TIAM1: variants seen among roughly 807,000 people sequenced by gnomAD.
TIAM1 encodes TIAM Rac1 associated GEF 1.
TIAM1 carries 65 observed loss-of-function variants against 163.5 expected under a neutral mutation model. The observed-to-expected ratio is 0.40, with a 90% CI of 0.33 to 0.49. The LOEUF (loss-of-function observed/expected upper bound fraction) is 0.49. Ranked by LOEUF, TIAM1 falls within the 20% of genes least tolerant of loss-of-function variation. TIAM1 has a pLI of 0.77. For synonymous variants in TIAM1, 833 were observed against 810.1 expected (o/e 1.03, Z -0.48); for missense variants, 1,789 against 2,044.7 (o/e 0.87, Z 2.41).
chr21:31,483,747 A>C (rs937216641), intron 1 of TIAM1, among the ~76,000 whole-genome samples: 2 of 152,124 alleles, frequency 1.3e-5, no homozygotes, highest in African/African-American at 4.8e-5. Context: ...CAGCCTGACA[A>C]ATCTGCACAT....
chr21:31,454,244 T>C lies in TIAM1; in HGVS notation c.-369+9739A>G, dbSNP rs376643036. 1.4e-3 allele frequency among the ~76,000 whole-genome samples: 217 copies of C among 152,286 alleles called. 1 individual carries two copies. The highest frequency in any genetic ancestry group is 5.0e-3 in the African/African-American group (209 of 41,554). ...AATTCCAAGATTTCAGAACAATACA[T>C]AGTACAAAACACATGCTCAGGAAAA... On this transcript the variant is annotated intron_variant, in intron 2 of 28. Coordinates refer to the TIAM1 transcript ENST00000286827.
intron 1 of TIAM1, among the ~76,000 whole-genome samples, chr21:31,549,447 G>C (rs2048607984): frequency 6.7e-6 from 1 of 149,428 alleles, no homozygotes; most frequent in Admixed American, 6.8e-5. Context: ...AACTAGAATA[G>C]ATAAAGAATT....
At chr21:31,233,993 G>A (rs950954595) in intron 6 of TIAM1, among the ~76,000 whole-genome samples, 6 of 152,156 alleles carry the variant, frequency 3.9e-5, no homozygotes, top group African/African-American at 9.7e-5. Flanking sequence ...CCACAAGGCC[G>A]CTTACTGTCT....
At chr21:31,219,206 A>G (rs2087407338) in intron 8 of TIAM1, among the ~76,000 whole-genome samples, 1 of 149,758 alleles carries the variant, frequency 6.7e-6, no homozygotes, top group Non-Finnish European at 1.5e-5. Flanking sequence ...CAGGCAAAAC[A>G]TTCAGGCTTG....
chr21:31,263,948 C>T (rs545028401), intron 4 of TIAM1, among the ~76,000 whole-genome samples: 1 of 152,254 alleles, frequency 6.6e-6, no homozygotes, highest in Admixed American at 6.5e-5. Context: ...AGAAGTAGCC[C>T]TCGCAGGGTA....
At chr21:31,549,254 T>TA (rs1601067675) in intron 1 of TIAM1, among the ~76,000 whole-genome samples, 2 of 152,336 alleles carry the variant, frequency 1.3e-5, no homozygotes, top group East Asian at 3.9e-4. Context: ...AAAGGAAATG[T>TA]AAATTAGCAT....
chr21:31,451,201 G>C (rs2044825144), intron 2 of TIAM1, among the ~76,000 whole-genome samples: 1 of 152,142 alleles, frequency 6.6e-6, no homozygotes, highest in Non-Finnish European at 1.5e-5. Context: ...AGAGCCACAG[G>C]TGCGGCCAGC....
chr21:31,539,413 C>T (rs2048248571), intron 1 of TIAM1, among the ~76,000 whole-genome samples: 1 of 150,944 alleles, frequency 6.6e-6, no homozygotes. Flanking sequence ...CTACAGGCGC[C>T]CACCACCACA....
At position 31,245,002 on chromosome 21, in the gene TIAM1, G is replaced by T. The variant is rs113552662; in HGVS notation, c.1584+486C>A. On this transcript the variant is annotated intron_variant, in intron 6 of 27. Coordinates refer to ENST00000541036, the MANE Select transcript of TIAM1 (RefSeq NM_001353694.2). The stretch of plus-strand genomic sequence containing the variant: ...GAAATTCAAGGATGCTGAGTAGAAA[G>T]TTCTGATCAGATGAGGAAGAGAAAC... Among the ~76,000 whole-genome samples the T allele has an allele frequency of 2.0e-4, 31 of 152,222 alleles. No individual in the cohort carries two copies. In the East Asian group the frequency reaches 5.4e-3, roughly 27 times the overall value.
intron 2 of TIAM1, among the ~76,000 whole-genome samples, chr21:31,354,576 T>A (rs967191358): frequency 2.0e-5 from 3 of 152,064 alleles, no homozygotes; most frequent in African/African-American, 7.2e-5. Flanking sequence ...GAAGTACTAA[T>A]GTTGGTTCAC....
chr21:31,124,974 G>C (rs1253861743), intron 26 of TIAM1, among the ~76,000 whole-genome samples: 1 of 152,140 alleles, frequency 6.6e-6, no homozygotes, highest in Non-Finnish European at 1.5e-5. Flanking sequence ...GTACCAAGAA[G>C]CTGCCAAATT....
chr21:31,149,395 CAA>C (rs1660637024), intron 19 of TIAM1, among the ~76,000 whole-genome samples: 1 of 152,152 alleles, frequency 6.6e-6, no homozygotes, highest in African/African-American at 2.4e-5. Context: ...TGTTGGCACT[CAA>C]AAAGTTTCCA....
intron 19 of TIAM1, among the ~76,000 whole-genome samples, chr21:31,148,004 C>CAA (rs34410316): frequency 0.062 from 3,831 of 61,630 alleles, 55 homozygotes; most frequent in East Asian, 0.099. Flanking sequence ...TGTCCATGAC[C>CAA]AAAAAAAAAA....
In TIAM1 at chr21:31,146,018, C is replaced by T. The variant is rs8129496; in HGVS notation, c.3475+877G>A. Among the ~76,000 whole-genome samples, 6 of 152,010 alleles carry T rather than the reference C, an allele frequency of 3.9e-5. No individual in the cohort carries two copies. In the East Asian group the frequency reaches 7.7e-4, roughly 20 times the overall value. On this transcript the variant is annotated intron_variant, in intron 20 of 27. Coordinates refer to ENST00000541036, the MANE Select transcript of TIAM1 (RefSeq NM_001353694.2). ...GTTATGAAGTGTGGTAGGTTATAAT[C>T]GAAATTAAAGAAAAACAGAAATAAA...
intron 4 of TIAM1, among the ~76,000 whole-genome samples, chr21:31,252,959 A>G (rs573346658): frequency 6.6e-5 from 10 of 152,250 alleles, no homozygotes; most frequent in Non-Finnish European, 1.5e-4. Context: ...GGGCCAAATG[A>G]CAGCTCGGGG....
chr21:31,389,289 T>A (rs1229277887), intron 2 of TIAM1, among the ~76,000 whole-genome samples: 1 of 152,136 alleles, frequency 6.6e-6, no homozygotes, highest in Non-Finnish European at 1.5e-5. Flanking sequence ...GATCTCAGCT[T>A]ACTGCAACCT....
At chr21:31,170,622 A>G (rs1302123179) in intron 15 of TIAM1, among the ~76,000 whole-genome samples, 1 of 152,248 alleles carries the variant, frequency 6.6e-6, no homozygotes, top group African/African-American at 2.4e-5. Flanking sequence ...ACAGGCTAAC[A>G]GAACAGAGAG....
chr21:31,154,458 G>C, intron 16 of TIAM1, 32 bp from the exon 17 acceptor site: 2 of 1,601,006 alleles, frequency 1.2e-6, no homozygotes, highest in Non-Finnish European at 1.7e-6. Context: ...GGAAGGCAGA[G>C]GTCATTATCC....
intron 8 of TIAM1, among the ~76,000 whole-genome samples, chr21:31,222,121 T>C (rs1435942807): frequency 1.3e-5 from 2 of 152,220 alleles, no homozygotes; most frequent in African/African-American, 4.8e-5. Context: ...ATTATCTGAA[T>C]GATGATGCTA....
Sources: gnomAD v4.1 joint callset for allele counts (sites outside exome capture counted in the v4.1 genomes callset) on GRCh38, gnomAD v4.1.1 for gene constraint, MANE v1.5 for transcripts, NCBI Gene and HGNC (gene_info 2026-07-23, HGNC 2026-07-21) for gene names.